Variants in DHODH observed in about 807,000 individuals in gnomAD.
DHODH encodes the protein dihydroorotate dehydrogenase (quinone), mitochondrial.
A neutral mutation model predicts 39.7 loss-of-function variants in DHODH; 30 were observed. That is an observed-to-expected ratio of 0.76 (90% CI 0.57 to 1.02). The LOEUF (loss-of-function observed/expected upper bound fraction) is 1.02. Among genes scored for constraint, DHODH ranks in the 50% least tolerant of loss-of-function variants. The pLI is 0.00. For missense variants in DHODH, 531 were observed against 520.8 expected, an observed-to-expected ratio of 1.02 and a Z score of -0.19; for synonymous variants, 222 against 213.8, an observed-to-expected ratio of 1.04 and a Z score of -0.34.
chr16:72,015,046 A>G (rs1406215565), intron 3 of DHODH, among the ~76,000 whole-genome samples: 1 of 152,228 alleles, frequency 6.6e-6, no homozygotes, highest in African/African-American at 2.4e-5. Context: ...ATGTAATGTG[A>G]GCCCCATATG....
intron 8 of DHODH, 148 bp from the exon 9 acceptor site, chr16:72,023,997 T>G (rs1305681516): frequency 3.5e-6 from 3 of 859,168 alleles, no homozygotes; most frequent in Non-Finnish European, 5.9e-6. Context: ...TGGGTAGAAA[T>G]ATCCCTAGGT....
chr16:72,012,293 T>A, intron 2 of DHODH, 31 bp downstream of exon 2: 2 of 1,603,862 alleles, frequency 1.2e-6, no homozygotes, highest in Non-Finnish European at 1.7e-6. Context: ...ATACATTAAA[T>A]ACAAAGGCGA....
In DHODH at chr16:72,012,353, C is replaced by G. The variant is rs2041093616; in HGVS notation, c.234+91C>G. ...AGCTGGGACTGATCTTTTTGAAAACCAGAACCCCAAGTGAGCAGTGGGGAT... is the reference window on the plus strand; with the variant it reads ...AGCTGGGACTGATCTTTTTGAAAACGAGAACCCCAAGTGAGCAGTGGGGAT... On this transcript the variant is annotated intron_variant, in intron 2 of 8. Transcript: ENST00000219240. 15 of 1,184,614 alleles carry G rather than the reference C, an allele frequency of 1.3e-5. No homozygotes were observed. The South Asian group carries it at 1.8e-4, about 14-fold the overall frequency. The allele number at this position is 1,184,614 out of a possible 1,614,324, so 73.4% of individuals were successfully genotyped here. A position where few individuals can be genotyped will look rare whatever the true frequency, so the allele number is the denominator to read the frequency against.
intron 4 of DHODH, among the ~76,000 whole-genome samples, chr16:72,020,750 G>A (rs2041203923): frequency 2.0e-5 from 3 of 152,210 alleles, no homozygotes; most frequent in Admixed American, 6.5e-5. Flanking sequence ...TCCTTGAGGT[G>A]AGAGTTGCGG....
intron 5 of DHODH, among the ~76,000 whole-genome samples, 161 bp downstream of exon 5, chr16:72,021,472 C>T (rs2041216915): frequency 1.3e-5 from 2 of 152,156 alleles, no homozygotes; most frequent in African/African-American, 4.8e-5. Context: ...CCCTCTGATC[C>T]CCTCTCATGA....
At chr16:72,023,748 G>A in intron 8 of DHODH, 115 bp downstream of exon 8, 1 of 1,449,112 alleles carries the variant, frequency 6.9e-7, no homozygotes, top group Non-Finnish European at 9.5e-7. Context: ...GGAGTTGAGG[G>A]GTACACTCTG....
Position 72,024,267 on chromosome 16 carries a change from A to C in DHODH, c.*68A>C, listed in dbSNP as rs879788224. 1.7e-5 allele frequency: 26 copies of C among 1,552,342 alleles called. No individual in the cohort carries two copies. The highest frequency in any genetic ancestry group is 3.4e-5 in the Admixed American group (2 of 59,610). On this transcript the variant is annotated 3_prime_UTR_variant, in exon 9 of 9. Transcript: ENST00000219240. ...GACTCAGGCAAGCCTTTGTGGCTGG[A>C]TCATGAGAGGAGGGACTCCATCTTG...
chr16:72,015,647 T>C, intron 3 of DHODH: 1 of 964,796 alleles, frequency 1.0e-6, no homozygotes, highest in Non-Finnish European at 1.2e-6. Context: ...TCTCCAGCAT[T>C]AGAGATCAAG....
chr16:72,015,807 G>C (rs2041135638), intron 3 of DHODH: 1 of 985,352 alleles, frequency 1.0e-6, no homozygotes, highest in Admixed American at 6.1e-5. Flanking sequence ...GCAGGGGTGT[G>C]AGATCCTGCT....
chr16:72,017,687 G>T (rs2041156819), intron 4 of DHODH, among the ~76,000 whole-genome samples: 1 of 151,694 alleles, frequency 6.6e-6, no homozygotes, highest in African/African-American at 2.4e-5. Flanking sequence ...CAAGTTGGGA[G>T]GATCACTTGA....
At position 72,012,100 on chromosome 16, in the gene DHODH, C is replaced by G. The variant is rs61753576; in HGVS notation, c.72C>G (p.Phe24Leu). The change falls in exon 2 of 9, where the codon TTC (phenylalanine) becomes TTG (leucine). Residue 24 changes from phenylalanine (F) to leucine (L), a missense_variant. By Grantham distance (22) the Phe-to-Leu change is conservative. Transcript: ENST00000219240. ...TCCTGGGGGGAGGAGGACTTCTCTT[C>G]GCCTCCTACCTGATGGCCACGGGAG... ...VIILGGGGLLFASYLMATGDE... is the reference protein window; with the variant it reads ...VIILGGGGLLLASYLMATGDE... 1.1e-5 allele frequency: 18 copies of G among 1,614,170 alleles called. No individual in the cohort carries two copies. Among genetic ancestry groups the G allele is most frequent in the Non-Finnish European group, 1.4e-5 (17 of 1,180,020 alleles).
At chr16:72,012,022 G>A (rs757996576) in intron 1 of DHODH, 28 bp from the exon 2 acceptor site, 9 of 1,607,478 alleles carry the variant, frequency 5.6e-6, no homozygotes, top group East Asian at 2.2e-5. Context: ...TGGCCTGGGG[G>A]ACCCCCCTAA....
chr16:72,021,685 G>A (rs2041219167), intron 5 of DHODH, among the ~76,000 whole-genome samples: 1 of 152,128 alleles, frequency 6.6e-6, no homozygotes, highest in Admixed American at 6.5e-5. Context: ...AAAAAACGTT[G>A]GACACCGTGG....
At chr16:72,010,508 C>T (rs1014172703) in intron 1 of DHODH, among the ~76,000 whole-genome samples, 1 of 152,116 alleles carries the variant, frequency 6.6e-6, no homozygotes, top group Admixed American at 6.5e-5. Flanking sequence ...TTCTGTCTGT[C>T]GCTTCATAAG....
chr16:72,014,389 C>G (rs2041116604), intron 2 of DHODH, 84 bp from the exon 3 acceptor site: 4 of 1,362,696 alleles, frequency 2.9e-6, no homozygotes, highest in Non-Finnish European at 4.2e-6. Flanking sequence ...CCAGGTCATT[C>G]TGATGTAGCT....
intron 3 of DHODH, chr16:72,016,587 CTG>C (rs1029183143): frequency 3.5e-6 from 1 of 287,404 alleles, no homozygotes; most frequent in African/African-American, 2.2e-5. Flanking sequence ...GCTGCGAGCT[CTG>C]TGCAGGAGGA....
intron 8 of DHODH, among the ~76,000 whole-genome samples, chr16:72,023,865 A>G (rs1463706649): frequency 6.6e-6 from 1 of 152,160 alleles, no homozygotes; most frequent in East Asian, 1.9e-4. Flanking sequence ...GGAGTTGTCC[A>G]TTTGCTCAAG....
chr16:72,024,505 G>A lies in DHODH; in HGVS notation c.*306G>A, dbSNP rs1213661500. The A allele has an allele frequency of 2.2e-6, 1 of 447,372 alleles. No individual in the cohort carries two copies. Among genetic ancestry groups the A allele is most frequent in the Non-Finnish European group, 4.1e-6 (1 of 241,180 alleles). The allele number at this position is 447,372 out of a possible 1,614,324, so 27.7% of individuals were successfully genotyped here. On this transcript the variant is annotated 3_prime_UTR_variant, in exon 9 of 9. Transcript: ENST00000219240. ...AAAAAATAAAGCCATTTAGAACCTG[G>A]GTTTCAACGCTAGCCCTTTCTGGTT...
intron 4 of DHODH, among the ~76,000 whole-genome samples, chr16:72,020,759 G>A (rs774812276): frequency 2.0e-5 from 3 of 152,122 alleles, no homozygotes; most frequent in South Asian, 2.1e-4. Flanking sequence ...TGAGAGTTGC[G>A]GGCCTGATGT....
Sources: gnomAD v4.1 joint callset for allele counts (sites outside exome capture counted in the v4.1 genomes callset) on GRCh38, gnomAD v4.1.1 for gene constraint, MANE v1.5 for transcripts, NCBI Gene and HGNC (gene_info 2026-07-23, HGNC 2026-07-21) for gene names.